Variants in DCTN5 observed in about 807,000 individuals in gnomAD.
The protein encoded by DCTN5 is dynactin subunit 5.
In DCTN5, 14 loss-of-function variants were observed where a neutral mutation model predicts 23.5. The ratio of observed to expected loss-of-function variants is 0.60; its 90% confidence interval spans 0.39 to 0.93. The LOEUF (loss-of-function observed/expected upper bound fraction) is 0.93, where lower values mean the gene tolerates loss of function less well. Among genes scored for constraint, DCTN5 ranks in the 40% least tolerant of loss-of-function variants. DCTN5 has a pLI of 0.00. For missense variants in DCTN5, 156 were observed against 225.9 expected, an observed-to-expected ratio of 0.69 and a Z score of 1.98; for synonymous variants, 67 against 79.6, an observed-to-expected ratio of 0.84 and a Z score of 0.84.
chr16:23,665,965 A>G, intron 5 of DCTN5: 1 of 521,674 alleles, frequency 1.9e-6, no homozygotes, highest in South Asian at 2.2e-5. Context: ...CACAAAGAGG[A>G]AACTAAGCCC....
intron 2 of DCTN5, among the ~76,000 whole-genome samples, chr16:23,644,364 G>A (rs1350754683): frequency 3.4e-5 from 5 of 146,740 alleles, no homozygotes; most frequent in Non-Finnish European, 7.4e-5. Context: ...GCAGTGGTGC[G>A]ATTTTGGCTC....
rs1412396129 is a variant in DCTN5 at position 23,675,211 on chromosome 16, A to T, written c.*8067A>T. ...AACTCTAGGATGATAGTTAAAAAAA[A>T]AAATGTTGGCCAGGCGCAGTGATGG... On this transcript the variant is annotated 3_prime_UTR_variant, in exon 6 of 6. Coordinates refer to ENST00000300087, the MANE Select transcript of DCTN5 (RefSeq NM_032486.4). 1 of 152,172 alleles carries T rather than the reference A, an allele frequency of 6.6e-6. No homozygotes were observed. The allele number at this position is 152,172 out of a possible 1,614,324, so 9.4% of individuals were successfully genotyped here.
chr16:23,659,745 C>T (rs764691999), intron 3 of DCTN5, among the ~76,000 whole-genome samples: 1 of 152,116 alleles, frequency 6.6e-6, no homozygotes, highest in East Asian at 1.9e-4. Flanking sequence ...CCATGACATA[C>T]AAGAACTGGA....
intron 2 of DCTN5, among the ~76,000 whole-genome samples, chr16:23,648,615 G>A (rs981744653): frequency 6.6e-6 from 1 of 151,848 alleles, no homozygotes; most frequent in African/African-American, 2.4e-5. Flanking sequence ...CTCCCAAAGT[G>A]CTGGGATTAC....
chr16:23,665,972 G>T lies in DCTN5; in HGVS notation c.451+244G>T. 4 of 507,462 alleles carry T rather than the reference G, an allele frequency of 7.9e-6. No homozygotes were observed. In the South Asian group the frequency reaches 9.1e-5, roughly 12 times the overall value. The allele number at this position is 507,462 out of a possible 1,614,324, so 31.4% of individuals were successfully genotyped here. ...GGGCCAAACACAAAGAGGAAACTAAGCCCAAGCTGTGAGATTGCACGGGTT... is the reference window on the plus strand; with the variant it reads ...GGGCCAAACACAAAGAGGAAACTAATCCCAAGCTGTGAGATTGCACGGGTT... On this transcript the variant is annotated intron_variant, in intron 5 of 5. Transcript: ENST00000300087.
rs770144592 is a variant in DCTN5, at chr16:23,677,049, G to C, written c.*9905G>C. 1 of 152,246 alleles carries C rather than the reference G, an allele frequency of 6.6e-6. No individual in the cohort carries two copies. The highest frequency in any genetic ancestry group is 2.4e-5 in the African/African-American group (1 of 41,462). The allele number at this position is 152,246 out of a possible 1,614,324, so 9.4% of individuals were successfully genotyped here. ...TCCCTTGTATACAACATTGCACATG[G>C]GTTGTCACAACTGATTGCTGGAGGA... On this transcript the variant is annotated 3_prime_UTR_variant, in exon 6 of 6. Coordinates refer to ENST00000300087, the MANE Select transcript of DCTN5 (RefSeq NM_032486.4).
At chr16:23,652,791 G>T (rs1348111032) in intron 2 of DCTN5, among the ~76,000 whole-genome samples, 1 of 152,068 alleles carries the variant, frequency 6.6e-6, no homozygotes, top group Non-Finnish European at 1.5e-5. Flanking sequence ...ACATATAATA[G>T]ATGTACATAT....
At chr16:23,661,096 C>G in intron 3 of DCTN5, 74 bp from the exon 4 acceptor site, 1 of 972,966 alleles carries the variant, frequency 1.0e-6, no homozygotes, top group South Asian at 1.5e-5. Context: ...AAATTATGAT[C>G]TGTAGTTCTA....
intron 3 of DCTN5, among the ~76,000 whole-genome samples, chr16:23,660,916 A>C (rs1009582266): frequency 2.6e-5 from 4 of 152,190 alleles, no homozygotes; most frequent in African/African-American, 9.6e-5. Context: ...CTGCTCTTTT[A>C]GCTTTGAAGA....
chr16:23,664,140 C>T (rs1358592441), intron 4 of DCTN5, among the ~76,000 whole-genome samples: 1 of 152,114 alleles, frequency 6.6e-6, no homozygotes, highest in Admixed American at 6.5e-5. Context: ...AGATAGTTGC[C>T]CTATTTTTGA....
intron 1 of DCTN5, chr16:23,642,659 T>G: frequency 4.0e-6 from 1 of 248,032 alleles, no homozygotes; most frequent in Non-Finnish European, 7.8e-6. Flanking sequence ...ATTAAAAAAT[T>G]TTTTTTTTGT....
rs778683304 is a variant in DCTN5 at position 23,658,649 on chromosome 16, C to T, written c.236+24C>T. Reference sequence around the variant, plus strand: ...GGGTATGTAATTTAATTACTTTGTTCAAGTCTTGGGCAAGAAGCTGCCACT... The same window carrying T: ...GGGTATGTAATTTAATTACTTTGTTTAAGTCTTGGGCAAGAAGCTGCCACT... On this transcript the variant is annotated intron_variant, in intron 3 of 5. Transcript: ENST00000300087. The T allele has an allele frequency of 1.9e-6, 3 of 1,591,152 alleles. No homozygotes were observed. The Admixed American group carries it at 5.0e-5, about 27-fold the overall frequency.
In DCTN5 at chr16:23,671,159, G is replaced by C; in HGVS notation, c.*4015G>C. The C allele has an allele frequency of 6.6e-6, 1 of 152,178 alleles. No individual in the cohort carries two copies. The highest frequency in any genetic ancestry group is 6.5e-5 in the Admixed American group (1 of 15,276). The allele number at this position is 152,178 out of a possible 1,614,324, so 9.4% of individuals were successfully genotyped here. Reference sequence around the variant, plus strand: ...TGCCATTGGCTAGCCTTGTGACTTTGAGCAAGTTATCTTACTTCGTGGAAC... The same window carrying C: ...TGCCATTGGCTAGCCTTGTGACTTTCAGCAAGTTATCTTACTTCGTGGAAC... On this transcript the variant is annotated 3_prime_UTR_variant, in exon 6 of 6. Transcript: ENST00000300087.
intron 2 of DCTN5, among the ~76,000 whole-genome samples, chr16:23,652,251 C>A (rs911181513): frequency 6.6e-5 from 10 of 152,054 alleles, no homozygotes; most frequent in African/African-American, 2.2e-4. Flanking sequence ...TCAGGAGTTC[C>A]CCACCTACCT....
chr16:23,661,873 T>A (rs1260474131), intron 4 of DCTN5, among the ~76,000 whole-genome samples: 3 of 152,056 alleles, frequency 2.0e-5, no homozygotes, highest in Non-Finnish European at 2.9e-5. Flanking sequence ...TTCAGATGTG[T>A]TAGGTGTTAT....
chr16:23,665,936 G>T (rs1456119734), intron 5 of DCTN5: 3 of 561,052 alleles, frequency 5.3e-6, no homozygotes, highest in Non-Finnish European at 9.4e-6. Flanking sequence ...AGAAAATAAG[G>T]AAATTATGAA....
chr16:23,647,195 C>T (rs759223503), intron 2 of DCTN5, among the ~76,000 whole-genome samples: 3 of 150,270 alleles, frequency 2.0e-5, no homozygotes, highest in Admixed American at 6.7e-5. Flanking sequence ...TGCAGTGGCA[C>T]GATCTCAGCT....
rs529474916 is a variant in DCTN5 at position 23,645,103 on chromosome 16, A to C, written c.117+2080A>C. Among the ~76,000 whole-genome samples, 5 of 23,582 alleles carry C rather than the reference A, an allele frequency of 2.1e-4. No individual in the cohort carries two copies. In the East Asian group the frequency reaches 5.2e-3, roughly 24 times the overall value. The allele number at this position is 23,582 out of a possible 152,430, so 15.5% of individuals were successfully genotyped here. On this transcript the variant is annotated intron_variant, in intron 2 of 5. Transcript: ENST00000300087. ...CCTAACTATATATATATATATATAT[A>C]TATATATATATATATATATATATAT...
At position 23,661,186 on chromosome 16, in the gene DCTN5, T is replaced by A; in HGVS notation, c.253T>A (p.Leu85Ile). 6.2e-7 allele frequency: 1 copy of A among 1,612,390 alleles called. No individual in the cohort carries two copies. Among genetic ancestry groups the A allele is most frequent in the Non-Finnish European group, 8.5e-7 (1 of 1,179,068 alleles). The change falls in exon 4 of 6, where the codon TTA (leucine) becomes ATA (isoleucine). Residue 85 changes from leucine to isoleucine, a missense_variant. Around this residue, in one of 2 missense-constraint regions of DCTN5, gnomAD observed 153 missense variants for 206.8 expected, o/e 0.74. Coordinates refer to ENST00000300087, the MANE Select transcript of DCTN5 (RefSeq NM_032486.4). ...CTCTTCTAGTGTTGCATTCTTTCCT[T>A]TACATATTGGAGACCATGTCTTTAT... ...KFSKGVAFFP[L>I]HIGDHVFIEE... is the part of the protein sequence containing the mutation.
Sources: gnomAD v4.1 joint callset for allele counts (sites outside exome capture counted in the v4.1 genomes callset) on GRCh38, gnomAD v4.1.1 for gene constraint, gnomAD v4.1.1 regional missense constraint, MANE v1.5 for transcripts, NCBI Gene and HGNC (gene_info 2026-07-23, HGNC 2026-07-21) for gene names.